Variants in EPB41L3 observed in about 807,000 individuals in gnomAD.
The protein encoded by EPB41L3 is erythrocyte membrane protein band 4.1 like 3.
EPB41L3 carries 57 observed loss-of-function variants against 127.1 expected under a neutral mutation model. The observed-to-expected ratio is 0.45, with a 90% CI of 0.36 to 0.56. The LOEUF (loss-of-function observed/expected upper bound fraction) is 0.56. Ranked by LOEUF, EPB41L3 falls within the 20% of genes least tolerant of loss-of-function variation. EPB41L3 has a pLI of 0.00. For synonymous variants in EPB41L3, 572 were observed against 549.5 expected (o/e 1.04, Z -0.57); for missense variants, 1,273 against 1,372.2 (o/e 0.93, Z 1.14).
intron 1 of EPB41L3, among the ~76,000 whole-genome samples, chr18:5,517,882 G>A (rs1033515693): frequency 6.6e-6 from 1 of 151,998 alleles, no homozygotes; most frequent in Non-Finnish European, 1.5e-5. Flanking sequence ...CTCCCCCACT[G>A]ACCACCACTC....
At chr18:5,493,585 G>A (rs2090846373) in intron 1 of EPB41L3, among the ~76,000 whole-genome samples, 1 of 149,202 alleles carries the variant, frequency 6.7e-6, no homozygotes, top group African/African-American at 2.5e-5. Context: ...AAAAAAAAAT[G>A]CCCTAGTATC....
intron 5 of EPB41L3, among the ~76,000 whole-genome samples, chr18:5,441,066 T>TA (rs1568188404): frequency 6.6e-6 from 1 of 152,120 alleles, no homozygotes; most frequent in South Asian, 2.1e-4. Flanking sequence ...AACAATTTTT[T>TA]AAAAAAATAG....
At chr18:5,421,863 T>C (rs1461230577) in intron 11 of EPB41L3, among the ~76,000 whole-genome samples, 2 of 152,004 alleles carry the variant, frequency 1.3e-5, no homozygotes, top group African/African-American at 2.4e-5. Context: ...AACTACATAT[T>C]GGGTACAATG....
Position 5,561,108 on chromosome 18 carries a change from G to A in EPB41L3, c.-306+51232C>T, listed in dbSNP as rs1008989613. 2.4e-4 allele frequency among the ~76,000 whole-genome samples: 36 copies of A among 148,924 alleles called. 1 individual carries two copies. Among genetic ancestry groups the A allele is most frequent in the East Asian group, 1.2e-3 (6 of 5,026 alleles). ...TTCTCCTGCCTCAGCCTCCCGAGTA[G>A]CTGGGACTACAGGCGCCCGCCACTA... On this transcript the variant is annotated intron_variant, in intron 3 of 21. Transcript: ENST00000545076.
chr18:5,482,995 C>A (rs1373118381), intron 2 of EPB41L3, among the ~76,000 whole-genome samples: 1 of 152,176 alleles, frequency 6.6e-6, no homozygotes, highest in East Asian at 1.9e-4. Flanking sequence ...ACTGTACTTG[C>A]AGTGTACAAT....
Position 5,489,160 on chromosome 18 carries a change from G to A in EPB41L3, c.24C>T (p.Asp8=). 6.3e-7 allele frequency: 1 copy of A among 1,597,902 alleles called. No homozygotes were observed. Among genetic ancestry groups the A allele is most frequent in the South Asian group, 1.1e-5 (1 of 89,476 alleles). Reference sequence around the variant, plus strand: ...CCTCCTGGTCCGGCTTGGATTCCGAGTCTGATCCAGATTCGGTCGTCATGG... The same window carrying A: ...CCTCCTGGTCCGGCTTGGATTCCGAATCTGATCCAGATTCGGTCGTCATGG... MTTESGS[D]SESKPDQEAE... is the part of the protein sequence containing the mutation. The change falls in exon 2 of 23, where the codon GAC becomes GAT. Residue 8 remains aspartate, a synonymous_variant. Coordinates refer to ENST00000341928, the MANE Select transcript of EPB41L3 (RefSeq NM_012307.5).
chr18:5,560,955 ATT>A (rs2094118101), intron 3 of EPB41L3, among the ~76,000 whole-genome samples: 1 of 116,296 alleles, frequency 8.6e-6, no homozygotes, highest in Non-Finnish European at 1.8e-5. Flanking sequence ...TTATTTATTT[ATT>A]TATTTATTTA....
intron 16 of EPB41L3, 78 bp downstream of exon 16, chr18:5,406,699 C>T: frequency 7.5e-7 from 1 of 1,325,278 alleles, no homozygotes; most frequent in Non-Finnish European, 1.0e-6. Context: ...AGAAGACTGT[C>T]AAATGCAATT....
chr18:5,520,557 T>TAAAAAAAAAAA (rs11339935), intron 1 of EPB41L3, among the ~76,000 whole-genome samples: 1 of 105,186 alleles, frequency 9.5e-6, no homozygotes. Context: ...TTTCCCAAAA[T>TAAAAAAAAAAA]AAAAAAAAAA....
intron 1 of EPB41L3, among the ~76,000 whole-genome samples, chr18:5,525,941 G>A (rs1443137947): frequency 3.3e-5 from 5 of 152,106 alleles, no homozygotes; most frequent in Non-Finnish European, 7.3e-5. Flanking sequence ...GTGCTTATAA[G>A]GATGGTAATG....
At chr18:5,486,941 G>T (rs2089856822) in intron 2 of EPB41L3, among the ~76,000 whole-genome samples, 1 of 152,080 alleles carries the variant, frequency 6.6e-6, no homozygotes, top group African/African-American at 2.4e-5. Flanking sequence ...ACTAAAAATA[G>T]AACTATCATA....
chr18:5,617,540 G>C (rs539465414), intron 1 of EPB41L3, among the ~76,000 whole-genome samples: 40 of 152,136 alleles, frequency 2.6e-4, no homozygotes, highest in Admixed American at 9.2e-4. Flanking sequence ...GGATGGTCTC[G>C]ATCTCCTGAC....
At chr18:5,621,480 T>C (rs775033480) in intron 1 of EPB41L3, among the ~76,000 whole-genome samples, 1 of 152,238 alleles carries the variant, frequency 6.6e-6, no homozygotes, top group African/African-American at 2.4e-5. Flanking sequence ...GGTTCATGCC[T>C]GTAAACCCAG....
At chr18:5,538,876 A>G (rs2093644391) in intron 1 of EPB41L3, among the ~76,000 whole-genome samples, 1 of 152,194 alleles carries the variant, frequency 6.6e-6, no homozygotes. Flanking sequence ...TGAGCTACAG[A>G]CAGAGGTAAC....
At position 5,543,932 on chromosome 18, in the gene EPB41L3, C is replaced by T. The variant is rs1380507362; in HGVS notation, c.-31G>A. 4.9e-5 allele frequency: 48 copies of T among 985,556 alleles called. No homozygotes were observed. Among genetic ancestry groups the T allele is most frequent in the Non-Finnish European group, 5.4e-5 (45 of 830,088 alleles). 61.1% of individuals were successfully genotyped at this position (985,556 alleles called of 1,614,324 possible). A position where few individuals can be genotyped will look rare whatever the true frequency, so the allele number is the denominator to read the frequency against. Reference sequence around the variant, plus strand: ...AGTTACCTGGGATCAGCAGGGAGCCCGGGCGCGCCGCGGCGTGGGGACTAG... The same window carrying T: ...AGTTACCTGGGATCAGCAGGGAGCCTGGGCGCGCCGCGGCGTGGGGACTAG... On this transcript the variant is annotated 5_prime_UTR_variant, in exon 1 of 23. Coordinates refer to ENST00000341928, the MANE Select transcript of EPB41L3 (RefSeq NM_012307.5). The surrounding 1 kb of genome is among the most constrained non-coding windows in gnomAD (Gnocchi z 5.2).
chr18:5,504,551 A>G (rs1469903613), intron 1 of EPB41L3, among the ~76,000 whole-genome samples: 1 of 152,188 alleles, frequency 6.6e-6, no homozygotes, highest in Non-Finnish European at 1.5e-5. Flanking sequence ...ACTAGGGACT[A>G]GGAACCCAGC....
At chr18:5,559,533 T>C (rs1331899298) in intron 3 of EPB41L3, among the ~76,000 whole-genome samples, 1 of 152,224 alleles carries the variant, frequency 6.6e-6, no homozygotes, top group African/African-American at 2.4e-5. Flanking sequence ...ACTTTAAGCA[T>C]GTCATGGATT....
intron 2 of EPB41L3, among the ~76,000 whole-genome samples, chr18:5,487,615 C>T (rs924961239): frequency 6.6e-6 from 1 of 151,054 alleles, no homozygotes; most frequent in African/African-American, 2.4e-5. Context: ...CCTCAGCCTC[C>T]CTAACAGCTG....
At chr18:5,459,184 A>G (rs1197978638) in intron 3 of EPB41L3, among the ~76,000 whole-genome samples, 1 of 152,142 alleles carries the variant, frequency 6.6e-6, no homozygotes. Context: ...TTTAGTCCCA[A>G]CGACTCAAGC....
Sources: allele counts gnomAD v4.1 joint callset (sites outside exome capture counted in the v4.1 genomes callset), GRCh38; gene constraint gnomAD v4.1.1; non-coding constraint Gnocchi (gnomAD v3.1); transcripts MANE v1.5; gene names NCBI Gene and HGNC (gene_info 2026-07-23, HGNC 2026-07-21).